Variants in JMY observed in about 807,000 individuals in gnomAD.
The protein encoded by JMY is junction mediating and regulatory protein, p53 cofactor, also known as junction-mediating and -regulatory protein.
Under a neutral mutation model 103.3 loss-of-function variants are expected in JMY, and 46 were observed. That is an observed-to-expected ratio of 0.45 (90% CI 0.35 to 0.57). JMY has a LOEUF of 0.57. Among genes scored for constraint, JMY ranks in the 20% least tolerant of loss-of-function variants. The probability of loss-of-function intolerance (pLI) is 0.00; values close to 1 mark genes in which losing one functional copy is unlikely to be tolerated. For missense variants in JMY, 1,238 were observed against 1,255.2 expected, an observed-to-expected ratio of 0.99 and a Z score of 0.21; for synonymous variants, 526 against 489.3, an observed-to-expected ratio of 1.07 and a Z score of -0.99.
At chr5:79,312,348 TTAA>T in intron 7 of JMY, 52 bp from the exon 8 acceptor site, 2 of 1,069,054 alleles carry the variant, frequency 1.9e-6, no homozygotes, top group South Asian at 1.9e-5. Flanking sequence ...TTTTTTCCTA[TTAA>T]TGATAAAAAT....
intron 8 of JMY, among the ~76,000 whole-genome samples, chr5:79,312,897 A>G (rs537690291): frequency 2.0e-5 from 3 of 152,298 alleles, no homozygotes; most frequent in African/African-American, 7.2e-5. Context: ...TTAGAGGTGG[A>G]GGGGAGCAGC....
At chr5:79,261,605 C>G (rs1745425322) in intron 1 of JMY, among the ~76,000 whole-genome samples, 1 of 152,138 alleles carries the variant, frequency 6.6e-6, no homozygotes, top group Non-Finnish European at 1.5e-5. Context: ...GCGTGAATTA[C>G]TATTTTCCCT....
At chr5:79,250,378 CAGTT>C (rs1035177604) in intron 1 of JMY, among the ~76,000 whole-genome samples, 150 of 152,304 alleles carry the variant, frequency 9.8e-4, no homozygotes, top group Non-Finnish European at 1.9e-3. Flanking sequence ...TTGATACAGT[CAGTT>C]AAAACGGTGA....
chr5:79,267,691 A>G (rs531799558), intron 1 of JMY, among the ~76,000 whole-genome samples: 4 of 152,238 alleles, frequency 2.6e-5, no homozygotes, highest in Non-Finnish European at 5.9e-5. Context: ...CTGGGATTAC[A>G]GGCCTGGGCC....
In JMY at chr5:79,237,364, G is replaced by A; in HGVS notation, c.714G>A (p.Leu238=). Residue 238 remains leucine, a synonymous_variant, in exon 1 of 11, where the codon CTG becomes CTA. Coordinates refer to ENST00000396137, the MANE Select transcript of JMY (RefSeq NM_152405.5). ...SWAGLFSFQD[L]RAVHQQLCSV... ...CCGGACTGTTTTCTTTCCAGGACCT[G>A]CGCGCCGTGCACCAGCAGCTGTGCT... 2.5e-6 allele frequency: 4 copies of A among 1,612,698 alleles called. No homozygotes were observed. Among genetic ancestry groups the A allele is most frequent in the Non-Finnish European group, 3.4e-6 (4 of 1,179,658 alleles).
chr5:79,237,065 C>T lies in JMY; in HGVS notation c.415C>T (p.Arg139Cys), dbSNP rs1290728157. 2.4e-5 allele frequency: 37 copies of T among 1,534,290 alleles called. No homozygotes were observed. The highest frequency in any genetic ancestry group is 6.0e-5 in the Admixed American group (3 of 49,592). The change falls in exon 1 of 11, where the codon CGT becomes TGT. Residue 139 changes from arginine to cysteine, a missense_variant. Physicochemically the swap from Arg to Cys is radical, Grantham distance 180 (BLOSUM62 -3). Coordinates refer to ENST00000396137, the MANE Select transcript of JMY (RefSeq NM_152405.5). ...TCCTGGCAGCAAAGGGGCGGAGAGT[C>T]GTCTTAGGAGCCCAGTGCGGGCCAA... ...RSPGSKGAES[R>C]LRSPVRAKPI...
In JMY at chr5:79,237,135, G is replaced by A; in HGVS notation, c.485G>A (p.Gly162Glu). Residue 162 changes from glycine (G) to glutamate (E), a missense_variant, in exon 1 of 11, where the codon GGG (glycine) becomes GAG (glutamate). Transcript: ENST00000396137. ...QKTSEADDAA[G>E]AAAAAARPAP... ...ACATCTGAAGCCGACGATGCGGCGG[G>A]GGCAGCCGCTGCAGCAGCCCGGCCG... 2 of 1,547,996 alleles carry A rather than the reference G, an allele frequency of 1.3e-6. No homozygotes were observed. Among genetic ancestry groups the A allele is most frequent in the African/African-American group, 1.4e-5 (1 of 73,150 alleles).
At chr5:79,290,071 G>C in intron 2 of JMY, 50 bp from the exon 3 acceptor site, 1 of 1,355,054 alleles carries the variant, frequency 7.4e-7, no homozygotes, top group South Asian at 1.5e-5. Context: ...TTTGAGGAAT[G>C]AGTAGAAGAA....
At chr5:79,301,997 C>T (rs763790074) in intron 6 of JMY, among the ~76,000 whole-genome samples, 24 of 150,540 alleles carry the variant, frequency 1.6e-4, no homozygotes, top group Admixed American at 2.7e-4. Flanking sequence ...GCAGGAGAAT[C>T]GCTTGAACCC....
At chr5:79,263,066 T>G (rs1278640177) in intron 1 of JMY, among the ~76,000 whole-genome samples, 2 of 151,946 alleles carry the variant, frequency 1.3e-5, no homozygotes, top group East Asian at 3.9e-4. Flanking sequence ...TGATCACTTG[T>G]AAATGACTCA....
rs1301002947 is a variant in JMY, at chr5:79,237,264, C to T, written c.614C>T (p.Pro205Leu). Reference protein sequence around the residue: ...VLEMVKEDEAPLALSDAEQPP... With the variant: ...VLEMVKEDEALLALSDAEQPP... The stretch of plus-strand genomic sequence containing the variant: ...GAAATGGTGAAGGAGGACGAGGCAC[C>T]TCTGGCGCTCTCGGACGCGGAGCAG... The change falls in exon 1 of 11, where the codon CCT (proline) becomes CTT (leucine). Residue 205 changes from proline to leucine, a missense_variant. Pro to Leu is a moderately conservative substitution (Grantham distance 98). Transcript: ENST00000396137. 6.4e-7 allele frequency: 1 copy of T among 1,551,624 alleles called. No homozygotes were observed. Among genetic ancestry groups the T allele is most frequent in the Non-Finnish European group, 8.7e-7 (1 of 1,147,488 alleles).
intron 7 of JMY, among the ~76,000 whole-genome samples, chr5:79,310,260 C>T (rs1747009354): frequency 1.3e-5 from 2 of 151,716 alleles, no homozygotes; most frequent in African/African-American, 4.8e-5. Context: ...GGGGTTTCAC[C>T]ATGTTGGCCA....
intron 1 of JMY, among the ~76,000 whole-genome samples, chr5:79,239,127 T>C (rs1392885413): frequency 6.6e-6 from 1 of 152,138 alleles, no homozygotes; most frequent in East Asian, 1.9e-4. Flanking sequence ...ATTTAAGAAA[T>C]GTTTGTTTCT....
intron 1 of JMY, among the ~76,000 whole-genome samples, chr5:79,269,247 A>G (rs969780983): frequency 6.6e-6 from 1 of 152,140 alleles, no homozygotes; most frequent in African/African-American, 2.4e-5. Flanking sequence ...TTAAAAGATC[A>G]TTTAACTGTA....
intron 7 of JMY, among the ~76,000 whole-genome samples, chr5:79,309,521 A>G (rs1207176451): frequency 6.6e-6 from 1 of 152,212 alleles, no homozygotes; most frequent in African/African-American, 2.4e-5. Flanking sequence ...AGTAATTTGT[A>G]CTTAAATATC....
chr5:79,250,054 C>T (rs1198381117), intron 1 of JMY, among the ~76,000 whole-genome samples: 2 of 152,110 alleles, frequency 1.3e-5, no homozygotes, highest in African/African-American at 2.4e-5. Flanking sequence ...ATATAGAAAC[C>T]GTCATAAATG....
At chr5:79,276,602 C>T (rs1229977531) in intron 1 of JMY, among the ~76,000 whole-genome samples, 2 of 151,756 alleles carry the variant, frequency 1.3e-5, no homozygotes, top group African/African-American at 2.4e-5. Flanking sequence ...AGAAATCTTG[C>T]CTAAGATTAA....
chr5:79,298,949 A>G (rs1310321818), intron 4 of JMY, among the ~76,000 whole-genome samples: 1 of 151,438 alleles, frequency 6.6e-6, no homozygotes. Flanking sequence ...GGGATCATTT[A>G]GGAAAATAAG....
chr5:79,269,109 G>T (rs1164390882), intron 1 of JMY, among the ~76,000 whole-genome samples: 2 of 152,132 alleles, frequency 1.3e-5, no homozygotes, highest in Admixed American at 6.6e-5. Context: ...TTATCTTCTA[G>T]AAGTTTTATA....
Sources: allele counts gnomAD v4.1 joint callset (sites outside exome capture counted in the v4.1 genomes callset), GRCh38; gene constraint gnomAD v4.1.1; transcripts MANE v1.5; gene names NCBI Gene and HGNC (gene_info 2026-07-23, HGNC 2026-07-21).